The following ADCY2 variants were observed in gnomAD, a reference collection of about 807,000 sequenced individuals.
ADCY2 encodes the protein adenylate cyclase 2.
Under a neutral mutation model 125.2 loss-of-function variants are expected in ADCY2, and 31 were observed. The observed-to-expected ratio is 0.25, with a 90% CI of 0.19 to 0.33. ADCY2 has a LOEUF of 0.33. Ranked by LOEUF, ADCY2 falls within the 10% of genes least tolerant of loss-of-function variation. The pLI is 1.00. For synonymous variants in ADCY2, 512 were observed against 548.4 expected (o/e 0.93, Z 0.93); for missense variants, 904 against 1,418.2 (o/e 0.64, Z 5.82).
intron 4 of ADCY2, among the ~76,000 whole-genome samples, chr5:7,636,758 G>T (rs1185197354): frequency 6.6e-6 from 1 of 152,226 alleles, no homozygotes; most frequent in Non-Finnish European, 1.5e-5. Flanking sequence ...ACATGCTGTA[G>T]AGTCATAGTG....
intron 16 of ADCY2, among the ~76,000 whole-genome samples, chr5:7,762,410 G>C (rs1743251118): frequency 6.6e-6 from 1 of 152,222 alleles, no homozygotes; most frequent in African/African-American, 2.4e-5. Flanking sequence ...CTGGGCCCCT[G>C]AGCTCTGACT....
chr5:7,684,126 C>A (rs896919748), intron 4 of ADCY2, among the ~76,000 whole-genome samples: 4 of 152,252 alleles, frequency 2.6e-5, no homozygotes, highest in Non-Finnish European at 5.9e-5. Flanking sequence ...TCAAATCAGA[C>A]TTGGCTCCCC....
chr5:7,757,896 C>T (rs1486283736), intron 16 of ADCY2, among the ~76,000 whole-genome samples: 1 of 152,218 alleles, frequency 6.6e-6, no homozygotes, highest in Non-Finnish European at 1.5e-5. Context: ...TTTCACAGAG[C>T]CACCTTGAGA....
At chr5:7,534,432 T>G (rs895401478) in intron 3 of ADCY2, among the ~76,000 whole-genome samples, 4 of 152,256 alleles carry the variant, frequency 2.6e-5, no homozygotes, top group Admixed American at 1.3e-4. Context: ...CTTTAGTTTC[T>G]TAAAAATTTA....
In ADCY2 at chr5:7,707,777, A is replaced by G. The variant is rs1355104406; in HGVS notation, c.1340A>G (p.Asp447Gly). 1.9e-6 allele frequency: 3 copies of G among 1,614,150 alleles called. No homozygotes were observed. The highest frequency in any genetic ancestry group is 1.6e-4 in the Middle Eastern group (1 of 6,062). Residue 447 changes from aspartate to glycine, a missense_variant, in exon 9 of 25, where the codon GAC (aspartate) becomes GGC (glycine). Physicochemically the swap from Asp to Gly is moderately conservative, Grantham distance 94 (BLOSUM62 -1). This residue lies in a region of ADCY2 where 144 missense variants were observed against 227.7 expected (regional missense o/e 0.63). Coordinates refer to ENST00000338316, the MANE Select transcript of ADCY2 (RefSeq NM_020546.3). ...GAYKVEEGDG[D>G]IRDPYLKQHL... is the part of the protein sequence containing the mutation. The stretch of plus-strand genomic sequence containing the variant: ...TATAAAGTGGAGGAGGGAGATGGTG[A>G]CATTAGGGACCCATATTTAAAACAG...
chr5:7,691,091 G>C (rs370407219), intron 5 of ADCY2: 94 of 305,838 alleles, frequency 3.1e-4, no homozygotes, highest in Middle Eastern at 2.7e-3. Context: ...GGCTTCTGTA[G>C]CCAAGCATCC....
chr5:7,444,755 A>G (rs1232012898), intron 2 of ADCY2, among the ~76,000 whole-genome samples: 2 of 152,128 alleles, frequency 1.3e-5, no homozygotes, highest in African/African-American at 4.8e-5. Flanking sequence ...AGTAGTGCCT[A>G]ACAGTGCCTG....
At chr5:7,509,695 T>A (rs894924716) in intron 2 of ADCY2, among the ~76,000 whole-genome samples, 1 of 152,220 alleles carries the variant, frequency 6.6e-6, no homozygotes, top group African/African-American at 2.4e-5. Context: ...ATATGTATTC[T>A]TTTGCTTAAT....
At chr5:7,610,331 G>A (rs1390348469) in intron 3 of ADCY2, among the ~76,000 whole-genome samples, 1 of 152,194 alleles carries the variant, frequency 6.6e-6, no homozygotes, top group African/African-American at 2.4e-5. Context: ...CAGGGTGCAT[G>A]ATGCCAGGGC....
intron 3 of ADCY2, among the ~76,000 whole-genome samples, chr5:7,597,600 A>G (rs751899190): frequency 6.6e-5 from 10 of 151,960 alleles, no homozygotes; most frequent in African/African-American, 9.7e-5. Flanking sequence ...CATGACAAAA[A>G]CCCATCTGTA....
At chr5:7,513,623 T>G (rs866174844) in intron 2 of ADCY2, among the ~76,000 whole-genome samples, 1 of 152,172 alleles carries the variant, frequency 6.6e-6, no homozygotes, top group Non-Finnish European at 1.5e-5. Flanking sequence ...AATGCTCAAT[T>G]AGATTAATAT....
At chr5:7,705,963 A>T (rs1345775960) in intron 7 of ADCY2, among the ~76,000 whole-genome samples, 1 of 152,112 alleles carries the variant, frequency 6.6e-6, no homozygotes, top group Non-Finnish European at 1.5e-5. Context: ...TGGTGTCTTT[A>T]TTTGATTGTG....
chr5:7,779,726 G>A (rs1027788782), intron 18 of ADCY2, among the ~76,000 whole-genome samples: 6 of 152,154 alleles, frequency 3.9e-5, no homozygotes, highest in Non-Finnish European at 5.9e-5. Flanking sequence ...CTGAAAAAGC[G>A]GGAGCCTTTG....
At chr5:7,531,947 A>G (rs1734662471) in intron 3 of ADCY2, among the ~76,000 whole-genome samples, 1 of 152,220 alleles carries the variant, frequency 6.6e-6, no homozygotes, top group Admixed American at 6.5e-5. Flanking sequence ...GTTATTGCAG[A>G]CTGTTCCATG....
chr5:7,476,666 T>C (rs1286673097), intron 2 of ADCY2, among the ~76,000 whole-genome samples: 1 of 152,166 alleles, frequency 6.6e-6, no homozygotes, highest in African/African-American at 2.4e-5. Flanking sequence ...CAAAAGCCGC[T>C]TCTCAGAGCT....
chr5:7,706,679 T>C (rs1741276746), intron 7 of ADCY2, 65 bp from the exon 8 acceptor site: 1 of 1,562,558 alleles, frequency 6.4e-7, no homozygotes, highest in Non-Finnish European at 8.8e-7. Flanking sequence ...ACTGGGAAAA[T>C]TGGCCAAGAG....
Position 7,546,906 on chromosome 5 carries a change from C to T in ADCY2, c.570+26007C>T, listed in dbSNP as rs73739834. 7.0e-3 allele frequency among the ~76,000 whole-genome samples: 1,066 copies of T among 152,264 alleles called. 16 individuals are homozygous for T. Among genetic ancestry groups the T allele is most frequent in the African/African-American group, 0.025 (1,020 of 41,550 alleles). On this transcript the variant is annotated intron_variant, in intron 3 of 24. Coordinates refer to ENST00000338316, the MANE Select transcript of ADCY2 (RefSeq NM_020546.3). ...CTTAGAGAAACCTTACTTTATGGCC[C>T]AGGCAAGTCCCCATGTTCCTTCTCC...
intron 2 of ADCY2, among the ~76,000 whole-genome samples, chr5:7,482,793 C>CACACACAT (rs1354814973): frequency 1.8e-5 from 2 of 112,624 alleles, no homozygotes; most frequent in Admixed American, 9.6e-5. Flanking sequence ...TATATATATA[C>CACACACAT]ACACACACAT....
intron 7 of ADCY2, among the ~76,000 whole-genome samples, chr5:7,698,963 ACTGT>A (rs1436985525): frequency 2.0e-5 from 3 of 151,698 alleles, no homozygotes; most frequent in African/African-American, 4.8e-5. Context: ...GAATCACCAC[ACTGT>A]CTGTCACAAC....
Sources: allele counts gnomAD v4.1 joint callset (sites outside exome capture counted in the v4.1 genomes callset), GRCh38; gene constraint gnomAD v4.1.1; regional missense constraint gnomAD v4.1.1; transcripts MANE v1.5; gene names NCBI Gene and HGNC (gene_info 2026-07-23, HGNC 2026-07-21).